Variants in ADGRL3 observed in about 807,000 individuals in gnomAD.
ADGRL3 encodes adhesion G protein-coupled receptor L3.
Under a neutral mutation model 153.5 loss-of-function variants are expected in ADGRL3, and 62 were observed. That is an observed-to-expected ratio of 0.40 (90% CI 0.33 to 0.50). The LOEUF (loss-of-function observed/expected upper bound fraction) is 0.50, where lower values mean the gene tolerates loss of function less well. ADGRL3 is among the 20% of genes least tolerant of loss of function. ADGRL3 has a pLI of 0.47. For synonymous variants in ADGRL3, 710 were observed against 672.5 expected, an observed-to-expected ratio of 1.06 and a Z score of -0.86; for missense variants, 1,641 against 1,859.4, an observed-to-expected ratio of 0.88 and a Z score of 2.16.
At chr4:61,314,500 G>T (rs757833936) in intron 1 of ADGRL3, among the ~76,000 whole-genome samples, 2 of 152,128 alleles carry the variant, frequency 1.3e-5, no homozygotes, top group East Asian at 3.8e-4. Context: ...GAGCCACTGC[G>T]CTGGGCCCCC....
intron 1 of ADGRL3, among the ~76,000 whole-genome samples, chr4:61,351,737 C>T (rs1432364531): frequency 6.7e-6 from 1 of 149,900 alleles, no homozygotes; most frequent in African/African-American, 2.5e-5. Flanking sequence ...TTGAGACCTA[C>T]TGCTCAGAAA....
intron 2 of ADGRL3, among the ~76,000 whole-genome samples, chr4:61,440,691 G>GTA (rs72605852): frequency 6.8e-6 from 1 of 146,542 alleles, no homozygotes; most frequent in Non-Finnish European, 1.5e-5. Context: ...ACATCACAGT[G>GTA]TTGTTGGTCC....
At chr4:61,996,634 A>G (rs2099122743) in intron 20 of ADGRL3, among the ~76,000 whole-genome samples, 1 of 152,224 alleles carries the variant, frequency 6.6e-6, no homozygotes. Flanking sequence ...ATTTGGTTTT[A>G]TAGATATTTG....
intron 1 of ADGRL3, among the ~76,000 whole-genome samples, chr4:61,362,123 C>A (rs979467417): frequency 3.3e-5 from 5 of 151,158 alleles, no homozygotes; most frequent in African/African-American, 9.7e-5. Context: ...CCACCTCAGC[C>A]TCCCGAGTAG....
At chr4:61,692,444 A>ATT (rs33992337) in intron 6 of ADGRL3, among the ~76,000 whole-genome samples, 2 of 134,580 alleles carry the variant, frequency 1.5e-5, no homozygotes, top group South Asian at 2.4e-4. Context: ...CTCTCTTCCT[A>ATT]TTTTTTTTTT....
chr4:61,614,286 C>T (rs770052676), intron 5 of ADGRL3, among the ~76,000 whole-genome samples: 10 of 152,068 alleles, frequency 6.6e-5, no homozygotes, highest in Admixed American at 3.9e-4. Flanking sequence ...TGAATTTATT[C>T]CAAGTGGCAA....
intron 9 of ADGRL3, among the ~76,000 whole-genome samples, chr4:61,839,126 G>T (rs1001732657): frequency 2.0e-5 from 3 of 152,114 alleles, no homozygotes; most frequent in Admixed American, 2.0e-4. Flanking sequence ...TTTTAAATAT[G>T]TATTGCTTTC....
chr4:61,917,488 T>TA (rs1311006756), intron 13 of ADGRL3, among the ~76,000 whole-genome samples: 3 of 152,164 alleles, frequency 2.0e-5, no homozygotes, highest in Admixed American at 1.3e-4. Context: ...CTTAAGAGAA[T>TA]AAAAAACCAG....
chr4:61,892,812 A>T lies in ADGRL3; in HGVS notation c.1637A>T (p.Asp546Val). The T allele has an allele frequency of 6.2e-7, 1 of 1,613,858 alleles. No individual in the cohort carries two copies. The highest frequency in any genetic ancestry group is 8.5e-7 in the Non-Finnish European group (1 of 1,179,866). The change falls in exon 10 of 27, where the codon GAT becomes GTT. Residue 546 changes from aspartate to valine, a missense_variant. Physicochemically the swap from Asp to Val is radical, Grantham distance 152. Transcript: ENST00000683033. Reference sequence around the variant, plus strand: ...CCATCTCCAGCTGTCGAGGTACTTGATGACATGACCACACACCTTCCATCA... The same window carrying T: ...CCATCTCCAGCTGTCGAGGTACTTGTTGACATGACCACACACCTTCCATCA... ...STPSPAVEVL[D>V]DMTTHLPSAS...
At chr4:61,345,816 A>G (rs922707717) in intron 1 of ADGRL3, among the ~76,000 whole-genome samples, 1 of 152,216 alleles carries the variant, frequency 6.6e-6, no homozygotes. Flanking sequence ...AAAATATTTC[A>G]TTTCAGAAGC....
In ADGRL3 at chr4:61,423,588, G is replaced by A. The variant is rs558626018; in HGVS notation, c.-174+40399G>A. 2.9e-4 allele frequency among the ~76,000 whole-genome samples: 44 copies of A among 152,316 alleles called. No individual in the cohort carries two copies. The East Asian group carries it at 7.7e-3, about 27-fold the overall frequency. On this transcript the variant is annotated intron_variant, in intron 2 of 26. Coordinates refer to ENST00000683033, the MANE Select transcript of ADGRL3 (RefSeq NM_001387552.1). The stretch of plus-strand genomic sequence containing the variant: ...TGGCAGAGAGCAGTATGGAAGATAA[G>A]TAGTGGAAAGGGACTAGGTGGAGGC...
chr4:61,417,240 T>C (rs973105821), intron 2 of ADGRL3, among the ~76,000 whole-genome samples: 1 of 152,068 alleles, frequency 6.6e-6, no homozygotes, highest in African/African-American at 2.4e-5. Context: ...ACACCTGTAA[T>C]CCCAGCACTT....
intron 8 of ADGRL3, among the ~76,000 whole-genome samples, chr4:61,758,782 C>G (rs543294591): frequency 1.3e-5 from 2 of 152,250 alleles, no homozygotes; most frequent in African/African-American, 4.8e-5. Context: ...TCTTGATGGT[C>G]TTTACAATTT....
At chr4:61,720,308 T>A (rs1042629032) in intron 6 of ADGRL3, among the ~76,000 whole-genome samples, 5 of 151,916 alleles carry the variant, frequency 3.3e-5, no homozygotes, top group South Asian at 4.2e-4. Context: ...CAGGCTGGTG[T>A]CCAACTCCCG....
chr4:61,217,803 C>A (rs1394953), intron 1 of ADGRL3, among the ~76,000 whole-genome samples: 2 of 151,882 alleles, frequency 1.3e-5, no homozygotes, highest in Admixed American at 6.5e-5. Flanking sequence ...TTTCCCATCC[C>A]CATTGACTTA....
chr4:61,876,038 A>T (rs1021023508), intron 9 of ADGRL3, among the ~76,000 whole-genome samples: 1 of 152,152 alleles, frequency 6.6e-6, no homozygotes, highest in Non-Finnish European at 1.5e-5. Flanking sequence ...AAAAATAGAA[A>T]AGAAAAAAAG....
chr4:61,411,842 T>C (rs1168575089), intron 2 of ADGRL3, among the ~76,000 whole-genome samples: 2 of 152,142 alleles, frequency 1.3e-5, no homozygotes, highest in East Asian at 1.9e-4. Flanking sequence ...TCAGGAGAAA[T>C]GATATTGAAG....
intron 8 of ADGRL3, among the ~76,000 whole-genome samples, chr4:61,757,245 G>T (rs977310202): frequency 1.3e-5 from 2 of 151,928 alleles, no homozygotes; most frequent in East Asian, 3.9e-4. Flanking sequence ...GAATCCATCT[G>T]GTCCTGGACT....
chr4:61,735,201 G>A (rs1197643915), intron 8 of ADGRL3, among the ~76,000 whole-genome samples: 2 of 152,096 alleles, frequency 1.3e-5, no homozygotes, highest in Admixed American at 1.3e-4. Context: ...AATCACTCTT[G>A]TGGAATGAAT....
Sources: allele counts gnomAD v4.1 joint callset (sites outside exome capture counted in the v4.1 genomes callset), GRCh38; gene constraint gnomAD v4.1.1; transcripts MANE v1.5; gene names NCBI Gene and HGNC (gene_info 2026-07-23, HGNC 2026-07-21).